The following KY variants were observed in gnomAD, a reference collection of about 807,000 sequenced individuals.
KY encodes kyphoscoliosis peptidase.
A neutral mutation model predicts 76.1 loss-of-function variants in KY; 43 were observed. That is an observed-to-expected ratio of 0.57 (90% CI 0.44 to 0.73). KY has a LOEUF of 0.73. Among genes scored for constraint, KY ranks in the 30% least tolerant of loss-of-function variants. The pLI is 0.00. For synonymous variants in KY, 277 were observed against 326.2 expected, an observed-to-expected ratio of 0.85 and a Z score of 1.63; for missense variants, 722 against 828.9, an observed-to-expected ratio of 0.87 and a Z score of 1.58.
chr3:134,611,811 G>A (rs1960515219), intron 8 of KY, among the ~76,000 whole-genome samples: 2 of 152,214 alleles, frequency 1.3e-5, no homozygotes, highest in South Asian at 4.1e-4. Flanking sequence ...AAACAAGAGG[G>A]CCACGGAGCC....
intron 5 of KY, among the ~76,000 whole-genome samples, chr3:134,625,997 G>C (rs190600479): frequency 2.6e-5 from 4 of 152,384 alleles, no homozygotes; most frequent in Admixed American, 2.6e-4. Flanking sequence ...CTGCAAGGCT[G>C]CCTGGCCAAT....
chr3:134,603,768 C>T lies in KY; in HGVS notation c.1797G>A (p.Leu599=). 1 of 1,612,544 alleles carries T rather than the reference C, an allele frequency of 6.2e-7. No homozygotes were observed. Among genetic ancestry groups the T allele is most frequent in the Non-Finnish European group, 8.5e-7 (1 of 1,178,850 alleles). ...LPANRNVPFK[L]KLHGIAKVLV... ...GGACTTTGGCAATACCATGCAGCTT[C>T]AATTTGAATGGGACATTCCGGTTGG... is the stretch of plus-strand genomic sequence containing the variant. The change falls in exon 11 of 11, where the codon TTG becomes TTA. Residue 599 remains leucine (L), a synonymous_variant. Coordinates refer to ENST00000423778, the MANE Select transcript of KY (RefSeq NM_178554.6).
rs917255565 is a variant in KY at position 134,601,573 on chromosome 3, C to G, written c.*2006G>C. On this transcript the variant is annotated 3_prime_UTR_variant, in exon 11 of 11. Transcript: ENST00000423778. ...AGGGTGTAAAACTCCCTTTGTTTCC[C>G]TGTGGTGGTGCATAGCTGTTATGCC... Among the ~76,000 whole-genome samples the G allele has an allele frequency of 1.3e-5, 2 of 152,204 alleles. No individual in the cohort carries two copies. Among genetic ancestry groups the G allele is most frequent in the Non-Finnish European group, 1.5e-5 (1 of 68,028 alleles).
At chr3:134,613,307 C>T (rs566310518) in intron 8 of KY, 5 of 152,990 alleles carry the variant, frequency 3.3e-5, no homozygotes, top group South Asian at 2.1e-4. Context: ...TGTCCTAGGC[C>T]GTGTGCCCAG....
chr3:134,638,129 G>C (rs1314850476), intron 3 of KY, among the ~76,000 whole-genome samples: 3 of 152,142 alleles, frequency 2.0e-5, no homozygotes, highest in Non-Finnish European at 1.5e-5. Context: ...CTCACTTACT[G>C]TTGTGTGAGG....
At chr3:134,628,898 A>G (rs1484078038) in intron 4 of KY, among the ~76,000 whole-genome samples, 1 of 152,190 alleles carries the variant, frequency 6.6e-6, no homozygotes, top group Non-Finnish European at 1.5e-5. Context: ...CTGACTGCTG[A>G]TGACTACAGG....
intron 8 of KY, chr3:134,613,124 G>A (rs1960834956): frequency 6.5e-6 from 1 of 154,430 alleles, no homozygotes; most frequent in South Asian, 2.0e-4. Flanking sequence ...TTGCATTAAG[G>A]TGAACTGATT....
intron 4 of KY, among the ~76,000 whole-genome samples, chr3:134,629,211 C>A (rs1325073602): frequency 2.0e-5 from 3 of 152,234 alleles, no homozygotes; most frequent in Non-Finnish European, 2.9e-5. Flanking sequence ...TACTTCACCT[C>A]TCTAAGCCTC....
chr3:134,620,359 A>C (rs1962393476), intron 7 of KY, among the ~76,000 whole-genome samples: 1 of 152,068 alleles, frequency 6.6e-6, no homozygotes, highest in African/African-American at 2.4e-5. Context: ...TATTGCAATC[A>C]CTTTTCAAAC....
In KY at chr3:134,604,159, G is replaced by C. The variant is rs773709614; in HGVS notation, c.1406C>G (p.Pro469Arg). ...GTCGCTGGTGTGGATGATAGGGTCAGGGTGGGAGGGCTTCATGATGCCCAT... is the reference window on the plus strand; with the variant it reads ...GTCGCTGGTGTGGATGATAGGGTCACGGTGGGAGGGCTTCATGATGCCCAT... Reference protein sequence around the residue: ...EQMGIMKPSHPDPIIHTSDGR... With the variant: ...EQMGIMKPSHRDPIIHTSDGR... The change falls in exon 11 of 11, where the codon CCT becomes CGT. Residue 469 changes from proline (P) to arginine (R), a missense_variant. By Grantham distance (103) the Pro-to-Arg change is moderately radical. Coordinates refer to ENST00000423778, the MANE Select transcript of KY (RefSeq NM_178554.6). 1 of 1,608,984 alleles carries C rather than the reference G, an allele frequency of 6.2e-7. No individual in the cohort carries two copies. Among genetic ancestry groups the C allele is most frequent in the African/African-American group, 1.3e-5 (1 of 74,962 alleles).
rs967357989 is a variant in KY at position 134,602,448 on chromosome 3, T to C, written c.*1131A>G. 2.0e-5 allele frequency among the ~76,000 whole-genome samples: 3 copies of C among 152,032 alleles called. No homozygotes were observed. The highest frequency in any genetic ancestry group is 6.5e-5 in the Admixed American group (1 of 15,270). ...AGAGAAGGGAGGAAAGGAGACGGGA[T>C]AGGATGTTTTCTCCGAGACAGGCAC... On this transcript the variant is annotated 3_prime_UTR_variant, in exon 11 of 11. Coordinates refer to ENST00000423778, the MANE Select transcript of KY (RefSeq NM_178554.6).
chr3:134,636,251 T>C (rs1964948964), intron 3 of KY, among the ~76,000 whole-genome samples: 1 of 152,238 alleles, frequency 6.6e-6, no homozygotes, highest in Non-Finnish European at 1.5e-5. Context: ...TATGATCTTA[T>C]CAGTAGTGCA....
Position 134,605,834 on chromosome 3 carries a change from C to T in KY, c.1091-1360G>A, listed in dbSNP as rs763089908. ...TCCTCTGAGTACTCTCCCCTCTTTG[C>T]GACCCCCACTCTTTGAGGACTGGCC... On this transcript the variant is annotated intron_variant, in intron 10 of 10. Transcript: ENST00000423778. 4.6e-5 allele frequency among the ~76,000 whole-genome samples: 7 copies of T among 152,264 alleles called. No individual in the cohort carries two copies. The East Asian group carries it at 7.7e-4, about 17-fold the overall frequency.
At position 134,604,022 on chromosome 3, in the gene KY, G is replaced by C; in HGVS notation, c.1543C>G (p.Leu515Val). 1 of 1,614,028 alleles carries C rather than the reference G, an allele frequency of 6.2e-7. No homozygotes were observed. Among genetic ancestry groups the C allele is most frequent in the Non-Finnish European group, 8.5e-7 (1 of 1,179,870 alleles). The change falls in exon 11 of 11, where the codon CTG becomes GTG. Residue 515 changes from leucine (L) to valine (V), a missense_variant. By Grantham distance (32) the Leu-to-Val change is conservative. Transcript: ENST00000423778. ...AGCTCGGTCTGCTTCTCCCGGTGCA[G>C]CTGGAAGATGTAGCGCCGCTGTGTC... ...EETQRRYIFQ[L>V]HREKQTELKV...
chr3:134,637,690 G>A (rs1310952421), intron 3 of KY, among the ~76,000 whole-genome samples: 1 of 152,158 alleles, frequency 6.6e-6, no homozygotes, highest in Non-Finnish European at 1.5e-5. Context: ...TTAATTTATC[G>A]CTTCAGGCAG....
intron 3 of KY, among the ~76,000 whole-genome samples, chr3:134,642,960 C>T (rs144590193): frequency 7.2e-5 from 11 of 152,300 alleles, no homozygotes; most frequent in African/African-American, 2.4e-4. Flanking sequence ...GCTTAATTTA[C>T]ATGAGAATAA....
At chr3:134,635,770 C>T (rs1436474057) in intron 3 of KY, among the ~76,000 whole-genome samples, 1 of 152,048 alleles carries the variant, frequency 6.6e-6, no homozygotes, top group African/African-American at 2.4e-5. Context: ...ATACCAACCA[C>T]ACACAAAAAA....
intron 2 of KY, among the ~76,000 whole-genome samples, chr3:134,644,396 G>A (rs1321201577): frequency 6.6e-6 from 1 of 152,190 alleles, no homozygotes; most frequent in East Asian, 1.9e-4. Flanking sequence ...CCTCCCAGGG[G>A]AAGCATGACC....
At chr3:134,629,744 G>A in intron 3 of KY, 49 bp from the exon 4 acceptor site, 7 of 1,172,234 alleles carry the variant, frequency 6.0e-6, no homozygotes, top group Non-Finnish European at 7.5e-6. Flanking sequence ...TGCCAGGAAA[G>A]GGTGAATGCC....
Sources: gnomAD v4.1 joint callset for allele counts (sites outside exome capture counted in the v4.1 genomes callset) on GRCh38, gnomAD v4.1.1 for gene constraint, MANE v1.5 for transcripts, NCBI Gene and HGNC (gene_info 2026-07-23, HGNC 2026-07-21) for gene names.